FSTL5: variants seen among roughly 807,000 people sequenced by gnomAD.
The protein encoded by FSTL5 is follistatin-related protein 5.
FSTL5 carries 62 observed loss-of-function variants against 89.1 expected under a neutral mutation model. That is an observed-to-expected ratio of 0.70 (90% CI 0.57 to 0.86). FSTL5 has a LOEUF of 0.86. FSTL5 is among the 40% of genes least tolerant of loss of function. The probability of loss-of-function intolerance (pLI) is 0.00; values close to 1 mark genes in which losing one functional copy is unlikely to be tolerated. For missense variants in FSTL5, 1,057 were observed against 1,001.6 expected (o/e 1.06, Z -0.75); for synonymous variants, 383 against 346.2 (o/e 1.11, Z -1.18).
At chr4:161,841,774 G>C (rs1181395693) in intron 4 of FSTL5, among the ~76,000 whole-genome samples, 1 of 152,182 alleles carries the variant, frequency 6.6e-6, no homozygotes. Context: ...GTTGCATGGT[G>C]AATCAGAGCA....
chr4:162,085,911 C>A (rs988909801), intron 2 of FSTL5, among the ~76,000 whole-genome samples: 1 of 152,038 alleles, frequency 6.6e-6, no homozygotes, highest in African/African-American at 2.4e-5. Flanking sequence ...ATTTATATCA[C>A]AAACTGTCAC....
intron 6 of FSTL5, among the ~76,000 whole-genome samples, chr4:161,707,193 T>C (rs1290334938): frequency 6.6e-6 from 1 of 151,906 alleles, no homozygotes; most frequent in Non-Finnish European, 1.5e-5. Context: ...ACAATTGCAT[T>C]AAGAATTACA....
chr4:161,779,744 G>GAATTATTT (rs1553965217), intron 4 of FSTL5, among the ~76,000 whole-genome samples: 1 of 55,226 alleles, frequency 1.8e-5, no homozygotes, highest in Non-Finnish European at 2.8e-5. Context: ...ATTTGTCCAA[G>GAATTATTT]GATTATTTGT....
At position 161,500,010 on chromosome 4, in the gene FSTL5, A is replaced by C; in HGVS notation, c.1458+6T>G. On this transcript the variant is annotated splice_donor_region_variant and intron_variant, in intron 12 of 15. Coordinates refer to ENST00000306100, the MANE Select transcript of FSTL5 (RefSeq NM_020116.5). ...AAAACGTCAAAGGAACTTTTTAGATACTTGCCTGAAATCCAAGGAGCTTTT... is the reference window on the plus strand; with the variant it reads ...AAAACGTCAAAGGAACTTTTTAGATCCTTGCCTGAAATCCAAGGAGCTTTT... The C allele has an allele frequency of 6.5e-7, 1 of 1,538,352 alleles. No homozygotes were observed. The highest frequency in any genetic ancestry group is 9.0e-7 in the Non-Finnish European group (1 of 1,115,988).
chr4:161,523,630 G>A (rs1401290206), intron 10 of FSTL5, among the ~76,000 whole-genome samples: 1 of 152,120 alleles, frequency 6.6e-6, no homozygotes, highest in African/African-American at 2.4e-5. Flanking sequence ...CACGGATAAA[G>A]GAAGATAATT....
In FSTL5 at chr4:161,772,950, A is replaced by G. The variant is rs141088561; in HGVS notation, c.606+2928T>C. On this transcript the variant is annotated intron_variant, in intron 5 of 15. Transcript: ENST00000306100. ...ACACTACCTGATTTCATACTATACT[A>G]TAAGGCCATAGTCACCAAAACAGCA... Among the ~76,000 whole-genome samples the G allele has an allele frequency of 4.9e-3, 747 of 152,262 alleles. 5 individuals are homozygous for G. The highest frequency in any genetic ancestry group is 0.017 in the African/African-American group (710 of 41,574).
chr4:161,619,197 G>C (rs1355394988), intron 7 of FSTL5, among the ~76,000 whole-genome samples: 4 of 152,106 alleles, frequency 2.6e-5, no homozygotes, highest in Non-Finnish European at 5.9e-5. Context: ...ATTCAAGATG[G>C]ATTAAAGACT....
chr4:161,539,899 T>G (rs2126541434), intron 9 of FSTL5, among the ~76,000 whole-genome samples: 1 of 81,556 alleles, frequency 1.2e-5, no homozygotes, highest in Admixed American at 2.0e-4. Context: ...TCCAAAATCA[T>G]ACCTTTTTTT....
intron 3 of FSTL5, among the ~76,000 whole-genome samples, chr4:161,997,260 T>C (rs895229330): frequency 6.6e-6 from 1 of 152,202 alleles, no homozygotes; most frequent in Non-Finnish European, 1.5e-5. Flanking sequence ...AGAAATTTTA[T>C]GTTTTAGCAG....
intron 1 of FSTL5, among the ~76,000 whole-genome samples, chr4:162,162,288 T>C (rs1184724237): frequency 1.3e-5 from 2 of 152,138 alleles, no homozygotes; most frequent in East Asian, 1.9e-4. Context: ...TATACAAATA[T>C]TTAAACCTAA....
In FSTL5 at chr4:161,464,538, T is replaced by A. The variant is rs74633287; in HGVS notation, c.1609-5219A>T. ...AGCACTTACCTCCTTATATATGGCA[T>A]AGTTTGTATTTTAGTATATTTATTT... On this transcript the variant is annotated intron_variant, in intron 13 of 15. Transcript: ENST00000306100. Among the ~76,000 whole-genome samples, 553 of 152,314 alleles carry A rather than the reference T, an allele frequency of 3.6e-3. 3 individuals carry two copies. The highest frequency in any genetic ancestry group is 0.012 in the African/African-American group (503 of 41,566).
At chr4:161,829,335 C>T (rs1335406256) in intron 4 of FSTL5, among the ~76,000 whole-genome samples, 2 of 149,274 alleles carry the variant, frequency 1.3e-5, no homozygotes, top group East Asian at 4.0e-4. Context: ...TGGGTAAAAG[C>T]TAAAAGAAAA....
At chr4:161,579,562 T>C (rs11726480) in intron 8 of FSTL5, among the ~76,000 whole-genome samples, 84,180 of 151,496 alleles carry the variant, frequency 0.56, 23,536 homozygotes, top group Middle Eastern at 0.63. Flanking sequence ...CATTAAAATA[T>C]AAAAATTAGC....
At chr4:161,908,556 T>G (rs1289419607) in intron 4 of FSTL5, among the ~76,000 whole-genome samples, 2 of 152,086 alleles carry the variant, frequency 1.3e-5, no homozygotes, top group African/African-American at 2.4e-5. Flanking sequence ...CTTTCTTTTA[T>G]TTTCAGGAAA....
At chr4:161,847,180 A>G (rs1187977995) in intron 4 of FSTL5, among the ~76,000 whole-genome samples, 3 of 152,214 alleles carry the variant, frequency 2.0e-5, no homozygotes, top group Non-Finnish European at 4.4e-5. Context: ...GAAAACATCA[A>G]TATCAGGGTA....
chr4:161,687,904 T>G (rs1471291589), intron 6 of FSTL5, among the ~76,000 whole-genome samples: 1 of 152,186 alleles, frequency 6.6e-6, no homozygotes, highest in Non-Finnish European at 1.5e-5. Flanking sequence ...ATGAATGAAT[T>G]AATGCTTCTA....
chr4:161,840,614 AG>A (rs1269441077), intron 4 of FSTL5, among the ~76,000 whole-genome samples: 1 of 152,170 alleles, frequency 6.6e-6, no homozygotes, highest in Non-Finnish European at 1.5e-5. Context: ...AATTTAATTT[AG>A]GTGCTCTATC....
At chr4:161,500,511 A>G (rs1730257970) in intron 11 of FSTL5, among the ~76,000 whole-genome samples, 1 of 152,132 alleles carries the variant, frequency 6.6e-6, no homozygotes, top group African/African-American at 2.4e-5. Context: ...TTGTTTTACT[A>G]CTTTTATTAG....
chr4:161,697,144 G>C (rs1368905828), intron 6 of FSTL5, among the ~76,000 whole-genome samples: 2 of 152,204 alleles, frequency 1.3e-5, no homozygotes, highest in African/African-American at 4.8e-5. Context: ...CTAGGCATCT[G>C]TGAGTCACAC....
Sources: allele counts gnomAD v4.1 joint callset (sites outside exome capture counted in the v4.1 genomes callset), GRCh38; gene constraint gnomAD v4.1.1; transcripts MANE v1.5; gene names NCBI Gene and HGNC (gene_info 2026-07-23, HGNC 2026-07-21).